Variants in PHF24 observed in about 807,000 individuals in gnomAD.
PHF24 encodes Galpha inhibitory interacting protein.
A neutral mutation model predicts 42.6 loss-of-function variants in PHF24; 25 were observed. That is an observed-to-expected ratio of 0.59 (90% CI 0.43 to 0.82). The LOEUF (loss-of-function observed/expected upper bound fraction) is 0.82, where lower values mean the gene tolerates loss of function less well. Among genes scored for constraint, PHF24 ranks in the 40% least tolerant of loss-of-function variants. The probability of loss-of-function intolerance (pLI) is 0.00; values close to 1 mark genes in which losing one functional copy is unlikely to be tolerated. For missense variants in PHF24, 470 were observed against 538.1 expected, an observed-to-expected ratio of 0.87 and a Z score of 1.25; for synonymous variants, 185 against 204.8, an observed-to-expected ratio of 0.90 and a Z score of 0.83.
At chr9:34,845,775 G>A in the PHF24 span, among the ~76,000 whole-genome samples, 1 of 114,702 alleles carries the variant, frequency 8.7e-6, no homozygotes, top group African/African-American at 3.5e-5. Flanking sequence ...ACAGTCCCCA[G>A]AGTGTGATGT....
the PHF24 span, among the ~76,000 whole-genome samples, chr9:34,720,402 G>A: frequency 1.4e-5 from 2 of 145,658 alleles, no homozygotes; most frequent in Non-Finnish European, 1.5e-5. Context: ...CCGAGATTGC[G>A]CCACTGCAGC....
chr9:34,875,487 T>C, the PHF24 span, among the ~76,000 whole-genome samples: 1 of 152,174 alleles, frequency 6.6e-6, no homozygotes, highest in African/African-American at 2.4e-5. Context: ...GCATCACATA[T>C]AATAAAAGTA....
At chr9:34,918,011 G>A in the PHF24 span, 2 of 1,278,706 alleles carry the variant, frequency 1.6e-6, no homozygotes, top group Non-Finnish European at 2.3e-6. Context: ...AATTAAGCAA[G>A]CGACACCAGT....
the PHF24 span, among the ~76,000 whole-genome samples, chr9:34,877,651 C>T: frequency 2.0e-5 from 3 of 151,768 alleles, no homozygotes; most frequent in Non-Finnish European, 2.9e-5. Flanking sequence ...ATATTTTTAC[C>T]ATAATTTTTT....
the PHF24 span, chr9:34,834,583 G>A: frequency 1.3e-6 from 2 of 1,550,780 alleles, no homozygotes; most frequent in Non-Finnish European, 1.7e-6. Flanking sequence ...GCACTGAGAT[G>A]GACTTCCCTG....
chr9:34,721,783 G>A, the PHF24 span, among the ~76,000 whole-genome samples: 2 of 152,106 alleles, frequency 1.3e-5, no homozygotes, highest in African/African-American at 4.8e-5. Context: ...TCCTGTTAAG[G>A]TCATCAATGA....
chr9:34,723,072 G>A, the PHF24 span: 2 of 801,600 alleles, frequency 2.5e-6, no homozygotes, highest in Non-Finnish European at 3.9e-6. Context: ...AATATAGAGT[G>A]TATTTCTAGT....
the PHF24 span, among the ~76,000 whole-genome samples, chr9:34,759,563 G>A: frequency 1.3e-5 from 2 of 152,176 alleles, no homozygotes; most frequent in Admixed American, 6.5e-5. Context: ...TCGCCAATAA[G>A]TTGAAAAAGA....
chr9:34,922,560 A>G, the PHF24 span: 1 of 972,618 alleles, frequency 1.0e-6, no homozygotes. Context: ...ATCTCCTTTC[A>G]TTTTCAAATA....
At chr9:34,972,354 C>T (rs377381166) in exon 3 of PHF24, 50 of 1,601,352 alleles carry the variant, frequency 3.1e-5, no homozygotes, top group East Asian at 2.0e-4. Flanking sequence ...AGGTTGTCAA[C>T]GATGAGATGT....
the PHF24 span, among the ~76,000 whole-genome samples, chr9:34,668,645 C>A: frequency 1.3e-5 from 2 of 152,212 alleles, no homozygotes; most frequent in Admixed American, 6.5e-5. Flanking sequence ...GTCAGGCAAA[C>A]CTGCCTCTTG....
the PHF24 span, among the ~76,000 whole-genome samples, chr9:34,943,002 T>TAA: frequency 6.6e-6 from 1 of 151,708 alleles, no homozygotes; most frequent in African/African-American, 2.4e-5. Flanking sequence ...AGTATAATAA[T>TAA]AAAAAAAGAA....
the PHF24 span, chr9:34,889,457 T>A: frequency 2.5e-6 from 1 of 398,502 alleles, no homozygotes; most frequent in Non-Finnish European, 4.4e-6. Flanking sequence ...GTGTTGTAGC[T>A]CCCCACACAT....
the PHF24 span, among the ~76,000 whole-genome samples, chr9:34,718,621 G>A: frequency 6.6e-6 from 1 of 152,234 alleles, no homozygotes; most frequent in African/African-American, 2.4e-5. Flanking sequence ...TTCAGCCCTG[G>A]TTAGCTGGTT....
chr9:34,976,501 G>A (rs1827189988), intron 4 of PHF24, 34 bp from the exon 5 acceptor site: 3 of 1,591,012 alleles, frequency 1.9e-6, no homozygotes, highest in Non-Finnish European at 2.6e-6. Flanking sequence ...GCTGAGGAAG[G>A]ATGGGCATGG....
At chr9:34,918,216 C>CGAAAAGGGGTCA in the PHF24 span, 1 of 1,483,744 alleles carries the variant, frequency 6.7e-7, no homozygotes, top group Non-Finnish European at 9.4e-7. Context: ...CAACTGTGAC[C>CGAAAAGGGGTCA]CCTTTTCGGT....
the PHF24 span, among the ~76,000 whole-genome samples, chr9:34,752,656 G>A: frequency 1.3e-5 from 2 of 152,152 alleles, no homozygotes; most frequent in South Asian, 4.1e-4. Context: ...GAAAAATAGA[G>A]GAGGAGGGAA....
At chr9:34,848,086 C>T in the PHF24 span, among the ~76,000 whole-genome samples, 1 of 151,962 alleles carries the variant, frequency 6.6e-6, no homozygotes, top group Non-Finnish European at 1.5e-5. Context: ...CTCTGCCCGG[C>T]TTTGGTATCA....
the PHF24 span, among the ~76,000 whole-genome samples, chr9:34,746,514 A>T: frequency 6.6e-6 from 1 of 152,228 alleles, no homozygotes; most frequent in African/African-American, 2.4e-5. Context: ...TTGAAAGAGC[A>T]ATCACTGCAA....
Sources: gnomAD v4.1 joint callset for allele counts (sites outside exome capture counted in the v4.1 genomes callset) on GRCh38, gnomAD v4.1.1 for gene constraint, MANE v1.5 for transcripts, NCBI Gene and HGNC (gene_info 2026-07-23, HGNC 2026-07-21) for gene names.